CLXN: variants seen among roughly 807,000 people sequenced by gnomAD.
The protein encoded by CLXN is EF-hand calcium binding domain 1.
At chr8:48,729,295 C>G in the CLXN span, 1 of 607,362 alleles carries the variant, frequency 1.6e-6, no homozygotes, top group Non-Finnish European at 2.8e-6. Context: ...GAGGCTAAGG[C>G]GGGGTGATTC....
chr8:48,729,858 C>G, the CLXN span: 354 of 1,605,264 alleles, frequency 2.2e-4, 4 homozygotes, highest in African/African-American at 4.3e-3. Context: ...TCAAATCAAA[C>G]ACTTCAAAGC....
chr8:48,722,420 C>T, the CLXN span, among the ~76,000 whole-genome samples: 1 of 152,156 alleles, frequency 6.6e-6, no homozygotes, highest in Non-Finnish European at 1.5e-5. Context: ...AGAAATACCA[C>T]TTCTAGGTAT....
At chr8:48,719,428 T>C in the CLXN span, among the ~76,000 whole-genome samples, 2 of 152,174 alleles carry the variant, frequency 1.3e-5, no homozygotes, top group African/African-American at 4.8e-5. Flanking sequence ...ACTCCTTTCT[T>C]GAGGCCAGTA....
At chr8:48,724,639 AAC>A in the CLXN span, 2 of 891,304 alleles carry the variant, frequency 2.2e-6, no homozygotes, top group Non-Finnish European at 3.4e-6. Flanking sequence ...TTCACCCTGA[AAC>A]ACACAATTCA....
chr8:48,713,228 C>G, the CLXN span, among the ~76,000 whole-genome samples: 1 of 152,122 alleles, frequency 6.6e-6, no homozygotes, highest in Non-Finnish European at 1.5e-5. Flanking sequence ...GAAATATTAC[C>G]AAACCATCCT....
At chr8:48,714,330 A>G in the CLXN span, among the ~76,000 whole-genome samples, 4 of 152,218 alleles carry the variant, frequency 2.6e-5, no homozygotes, top group Non-Finnish European at 5.9e-5. Context: ...ATCAATCTAG[A>G]TATTGCAGCA....
chr8:48,726,921 T>TCACC, the CLXN span, among the ~76,000 whole-genome samples: 1 of 121,410 alleles, frequency 8.2e-6, no homozygotes, highest in Non-Finnish European at 1.7e-5. Context: ...ACCCATCCAT[T>TCACC]CACCCACCCA....
the CLXN span, chr8:48,712,536 G>C: frequency 6.6e-6 from 1 of 152,384 alleles, no homozygotes; most frequent in East Asian, 1.9e-4. Context: ...TGAAGGGTAG[G>C]TAGGAGGCTT....
At chr8:48,712,844 CA>C in the CLXN span, among the ~76,000 whole-genome samples, 2 of 151,740 alleles carry the variant, frequency 1.3e-5, no homozygotes, top group African/African-American at 2.4e-5. Flanking sequence ...ACTAAAAGTA[CA>C]AAAAATTAGC....
the CLXN span, among the ~76,000 whole-genome samples, chr8:48,727,521 A>G: frequency 6.6e-6 from 1 of 152,108 alleles, no homozygotes; most frequent in Non-Finnish European, 1.5e-5. Context: ...GAGGCCCAGG[A>G]GGGTCTGGGG....
chr8:48,730,974 GT>G, the CLXN span, among the ~76,000 whole-genome samples: 3 of 151,886 alleles, frequency 2.0e-5, no homozygotes, highest in Non-Finnish European at 4.4e-5. Flanking sequence ...TAATAGTTTT[GT>G]TACTCAAGTC....
the CLXN span, among the ~76,000 whole-genome samples, chr8:48,721,683 A>G: frequency 1.5e-4 from 23 of 152,366 alleles, no homozygotes; most frequent in East Asian, 3.5e-3. Flanking sequence ...CAAAGGTGCC[A>G]AGAATACACA....
the CLXN span, among the ~76,000 whole-genome samples, chr8:48,721,863 A>C: frequency 6.6e-6 from 1 of 152,254 alleles, no homozygotes; most frequent in Admixed American, 6.5e-5. Flanking sequence ...AACACAGAAA[A>C]AAAGCTTCAT....
chr8:48,711,728 G>A, the CLXN span: 1 of 152,208 alleles, frequency 6.6e-6, no homozygotes, highest in Non-Finnish European at 1.5e-5. Context: ...TGGAGGATAT[G>A]TGGCGAGAAC....
the CLXN span, among the ~76,000 whole-genome samples, chr8:48,732,797 C>G: frequency 1.3e-3 from 196 of 152,282 alleles, no homozygotes; most frequent in East Asian, 2.9e-3. Flanking sequence ...GAAGAAAATT[C>G]TGACACATAG....
chr8:48,730,623 TC>T, the CLXN span: 1 of 1,610,996 alleles, frequency 6.2e-7, no homozygotes, highest in Non-Finnish European at 8.5e-7. Flanking sequence ...GCCATCATTA[TC>T]TTTATCAAAA....
At chr8:48,735,274 C>T in the CLXN span, 2 of 1,113,436 alleles carry the variant, frequency 1.8e-6, no homozygotes, top group Non-Finnish European at 2.6e-6. Context: ...TTACTGATCT[C>T]GTGCGCGGCC....
chr8:48,724,786 C>A, the CLXN span: 1 of 1,611,728 alleles, frequency 6.2e-7, no homozygotes, highest in Non-Finnish European at 8.5e-7. Flanking sequence ...ACTTGAGCTT[C>A]AAATTCCATC....
chr8:48,715,866 G>T, the CLXN span: 1 of 152,238 alleles, frequency 6.6e-6, no homozygotes, highest in African/African-American at 2.4e-5. Context: ...AAACATGACT[G>T]ATTTTCCAGT....
Sources: allele counts gnomAD v4.1 joint callset (sites outside exome capture counted in the v4.1 genomes callset), GRCh38; gene constraint gnomAD v4.1.1; transcripts MANE v1.5; gene names NCBI Gene and HGNC (gene_info 2026-07-23, HGNC 2026-07-21).